The following CNST variants were observed in gnomAD, a reference collection of about 807,000 sequenced individuals.
The protein encoded by CNST is consortin, connexin sorting protein, also known as consortin.
A neutral mutation model predicts 72.4 loss-of-function variants in CNST; 39 were observed. The observed-to-expected ratio is 0.54, with a 90% confidence interval of 0.42 to 0.70. The LOEUF (loss-of-function observed/expected upper bound fraction) is 0.70. Among genes scored for constraint, CNST ranks in the 30% least tolerant of loss-of-function variants. The pLI is 0.00. For synonymous variants in CNST, 332 were observed against 320.1 expected (o/e 1.04, Z -0.40); for missense variants, 871 against 868.5 (o/e 1.00, Z -0.04).
chr1:246,659,370 A>G (rs528437696), intron 9 of CNST, among the ~76,000 whole-genome samples: 133 of 152,264 alleles, frequency 8.7e-4, no homozygotes, highest in East Asian at 2.7e-3. Flanking sequence ...CAAGGCGGGC[A>G]GATCACGAGG....
intron 10 of CNST, among the ~76,000 whole-genome samples, chr1:246,665,359 G>A (rs371359161): frequency 2.6e-5 from 4 of 152,342 alleles, no homozygotes; most frequent in African/African-American, 9.6e-5. Flanking sequence ...GTGACAAAGT[G>A]AGACCCTGTC....
intron 9 of CNST, among the ~76,000 whole-genome samples, chr1:246,659,582 A>C (rs112839951): frequency 2.6e-5 from 4 of 150,978 alleles, no homozygotes; most frequent in Non-Finnish European, 3.0e-5. Context: ...GCGACAGAGC[A>C]AGACTCTGTC....
In CNST at chr1:246,636,034, C is replaced by T. The variant is rs969029658; in HGVS notation, c.818+1447C>T. ...AAAGGAATCCATCGGGGCAGTCCATCGTCAGCTGGTGTTCCTAGGATTGTC... is the reference window on the plus strand; with the variant it reads ...AAAGGAATCCATCGGGGCAGTCCATTGTCAGCTGGTGTTCCTAGGATTGTC... On this transcript the variant is annotated intron_variant, in intron 6 of 10. Coordinates refer to ENST00000366513, the MANE Select transcript of CNST (RefSeq NM_152609.3). Among the ~76,000 whole-genome samples the T allele has an allele frequency of 1.5e-4, 23 of 152,330 alleles. 1 individual carries two copies. Among genetic ancestry groups the T allele is most frequent in the East Asian group, 5.8e-4 (3 of 5,188 alleles).
chr1:246,609,577 C>T (rs1407879330), intron 2 of CNST, among the ~76,000 whole-genome samples: 2 of 151,726 alleles, frequency 1.3e-5, no homozygotes, highest in African/African-American at 4.8e-5. Flanking sequence ...AACTCTGTCT[C>T]AAAGAAAAAA....
At chr1:246,651,209 GAAC>G (rs1422547839) in intron 9 of CNST, among the ~76,000 whole-genome samples, 1 of 151,960 alleles carries the variant, frequency 6.6e-6, no homozygotes, top group East Asian at 1.9e-4. Context: ...AAGTAATTAT[GAAC>G]AACATTTTTC....
At chr1:246,571,600 A>G (rs926571620) in intron 1 of CNST, among the ~76,000 whole-genome samples, 4 of 152,234 alleles carry the variant, frequency 2.6e-5, no homozygotes, top group East Asian at 1.9e-4. Context: ...GTGTGTGCCT[A>G]TGAAAATACT....
intron 6 of CNST, 25 bp from the exon 7 acceptor site, chr1:246,641,724 C>G: frequency 7.9e-7 from 1 of 1,260,484 alleles, no homozygotes; most frequent in Non-Finnish European, 1.1e-6. Flanking sequence ...TTTTAAAATT[C>G]TTTTTTCTTT....
At position 246,587,638 on chromosome 1, in the gene CNST, C is replaced by T. The variant is rs1314160532; in HGVS notation, c.-51-3874C>T. On this transcript the variant is annotated intron_variant, in intron 1 of 10. Transcript: ENST00000366513. ...TTCTCTTTTGTTTATTTAAGTAAAA[C>T]TTGTGTATATCTGTGCATAAGAGAA... Among the ~76,000 whole-genome samples, 6 of 152,130 alleles carry T rather than the reference C, an allele frequency of 3.9e-5. No individual in the cohort carries two copies. In the East Asian group the frequency reaches 1.2e-3, roughly 29 times the overall value.
At chr1:246,600,355 A>G (rs1482895670) in intron 2 of CNST, among the ~76,000 whole-genome samples, 1 of 152,226 alleles carries the variant, frequency 6.6e-6, no homozygotes, top group Non-Finnish European at 1.5e-5. Context: ...ACAGGTTTGA[A>G]TAAGGGAATT....
chr1:246,594,794 A>T (rs1661769413), intron 2 of CNST, among the ~76,000 whole-genome samples: 1 of 152,162 alleles, frequency 6.6e-6, no homozygotes, highest in Admixed American at 6.5e-5. Context: ...CAGAATGAGG[A>T]GTTATAAAAC....
At chr1:246,579,417 G>A (rs1375331940) in intron 1 of CNST, among the ~76,000 whole-genome samples, 1 of 152,204 alleles carries the variant, frequency 6.6e-6, no homozygotes, top group African/African-American at 2.4e-5. Flanking sequence ...GACAACAAAT[G>A]TGATTATTGA....
chr1:246,580,068 T>C (rs888267187), intron 1 of CNST, among the ~76,000 whole-genome samples: 6 of 152,210 alleles, frequency 3.9e-5, no homozygotes, highest in African/African-American at 1.4e-4. Context: ...TTAGTTCTTG[T>C]TTTGAAAGGG....
chr1:246,624,759 T>A (rs1455224932), intron 3 of CNST, among the ~76,000 whole-genome samples: 2 of 152,268 alleles, frequency 1.3e-5, no homozygotes, highest in Non-Finnish European at 2.9e-5. Flanking sequence ...TTGACATTTT[T>A]ATCAAATTTT....
At chr1:246,631,349 A>G (rs1664764233) in intron 3 of CNST, among the ~76,000 whole-genome samples, 1 of 152,188 alleles carries the variant, frequency 6.6e-6, no homozygotes, top group Non-Finnish European at 1.5e-5. Flanking sequence ...TTTCTTAACT[A>G]TCAGACCAGA....
chr1:246,590,915 C>T (rs1661507326), intron 1 of CNST, among the ~76,000 whole-genome samples: 1 of 147,178 alleles, frequency 6.8e-6, no homozygotes, highest in Non-Finnish European at 1.5e-5. Flanking sequence ...TCTAAGGTAC[C>T]TTCCAGGGCT....
intron 3 of CNST, among the ~76,000 whole-genome samples, chr1:246,631,030 GC>G (rs1362677949): frequency 3.9e-5 from 6 of 152,148 alleles, no homozygotes; most frequent in African/African-American, 1.4e-4. Flanking sequence ...ACAGGCGTGA[GC>G]CACCATGCCC....
At chr1:246,654,729 TGATA>T (rs1182129390) in intron 9 of CNST, among the ~76,000 whole-genome samples, 1 of 152,254 alleles carries the variant, frequency 6.6e-6, no homozygotes, top group Non-Finnish European at 1.5e-5. Flanking sequence ...TATCCTTTAA[TGATA>T]GATTTGGTTT....
chr1:246,590,439 C>T (rs562413830), intron 1 of CNST, among the ~76,000 whole-genome samples: 3 of 152,214 alleles, frequency 2.0e-5, no homozygotes, highest in South Asian at 4.1e-4. Flanking sequence ...CAACTTTTTG[C>T]TTTCTCCCTT....
intron 2 of CNST, among the ~76,000 whole-genome samples, chr1:246,613,018 C>G (rs1297284152): frequency 7.2e-5 from 11 of 152,098 alleles, no homozygotes; most frequent in Non-Finnish European, 1.5e-4. Flanking sequence ...GTGGTACATG[C>G]TTTATGTGGA....
Sources: allele counts gnomAD v4.1 joint callset (sites outside exome capture counted in the v4.1 genomes callset), GRCh38; gene constraint gnomAD v4.1.1; transcripts MANE v1.5; gene names NCBI Gene and HGNC (gene_info 2026-07-23, HGNC 2026-07-21).